PRDM16: variants seen among roughly 807,000 people sequenced by gnomAD.
PRDM16 encodes PR/SET domain 16, also known as histone-lysine N-methyltransferase PRDM16.
Under a neutral mutation model 110.6 loss-of-function variants are expected in PRDM16, and 23 were observed. The observed-to-expected ratio is 0.21, with a 90% CI of 0.15 to 0.29. The LOEUF (loss-of-function observed/expected upper bound fraction) is 0.29. Ranked by LOEUF, PRDM16 falls within the 10% of genes least tolerant of loss-of-function variation. The pLI, the probability that PRDM16 is intolerant of heterozygous loss-of-function variation, is 1.00. For missense variants in PRDM16, 1,615 were observed against 1,794.3 expected (o/e 0.90, Z 1.81); for synonymous variants, 799 against 781.8 (o/e 1.02, Z -0.37).
At chr1:3,301,811 T>C (rs530587213) in intron 3 of PRDM16, among the ~76,000 whole-genome samples, 86 of 152,340 alleles carry the variant, frequency 5.6e-4, no homozygotes, top group African/African-American at 2.1e-3. Flanking sequence ...ACATTCTGTG[T>C]TTTCCTGTGT....
At chr1:3,398,365 CT>C (rs1643417828) in intron 5 of PRDM16, among the ~76,000 whole-genome samples, 1 of 152,202 alleles carries the variant, frequency 6.6e-6, no homozygotes, top group Non-Finnish European at 1.5e-5. Flanking sequence ...AAATATTTGA[CT>C]TTCCCTACTC....
chr1:3,242,780 G>A (rs1441361665), intron 2 of PRDM16, among the ~76,000 whole-genome samples: 1 of 152,246 alleles, frequency 6.6e-6, no homozygotes, highest in African/African-American at 2.4e-5. Context: ...GTAATATTAA[G>A]GGGAGGGGAA....
Position 3,412,648 on chromosome 1 carries a change from C to A in PRDM16, c.2451C>A (p.Gly817=), listed in dbSNP as rs757162475. ...IGSRARASQN[G]GGREPRKNHV... Reference sequence around the variant, plus strand: ...GCCGGGCCCGTGCCAGCCAAAACGGCGGCGGGCGGGAGCCCCGCAAGAACC... The same window carrying A: ...GCCGGGCCCGTGCCAGCCAAAACGGAGGCGGGCGGGAGCCCCGCAAGAACC... The change falls in exon 9 of 17, where the codon GGC becomes GGA. Residue 817 remains glycine, a synonymous_variant. Transcript: ENST00000270722. 1 of 1,549,100 alleles carries A rather than the reference C, an allele frequency of 6.5e-7. No homozygotes were observed. The highest frequency in any genetic ancestry group is 8.7e-7 in the Non-Finnish European group (1 of 1,147,730).
intron 3 of PRDM16, among the ~76,000 whole-genome samples, chr1:3,334,093 G>A (rs773313303): frequency 6.6e-6 from 1 of 152,338 alleles, no homozygotes; most frequent in African/African-American, 2.4e-5. Context: ...TACCAGCAGC[G>A]TGAGCCAGGG....
chr1:3,329,757 G>T (rs1295711328), intron 3 of PRDM16, among the ~76,000 whole-genome samples: 1 of 152,234 alleles, frequency 6.6e-6, no homozygotes, highest in Non-Finnish European at 1.5e-5. Context: ...GGCACCCCAG[G>T]CCGTGCGGCT....
intron 3 of PRDM16, among the ~76,000 whole-genome samples, chr1:3,327,660 G>A (rs1183227076): frequency 7.1e-6 from 1 of 140,402 alleles, no homozygotes; most frequent in Non-Finnish European, 1.5e-5. Flanking sequence ...ACAGTGGCAG[G>A]GATGGGCACA....
chr1:3,165,721 T>G (rs111490342), intron 1 of PRDM16, among the ~76,000 whole-genome samples: 537 of 35,834 alleles, frequency 0.015, 24 homozygotes, highest in African/African-American at 0.083. Context: ...TCAGGGACAG[T>G]GACTCACCTG....
At chr1:3,186,097 G>A (rs917288297) in intron 1 of PRDM16, 28 bp from the exon 2 acceptor site, 6 of 1,574,620 alleles carry the variant, frequency 3.8e-6, no homozygotes, top group Non-Finnish European at 5.2e-6. Flanking sequence ...ACGTGCTGCA[G>A]AGGTTGACGC....
intron 3 of PRDM16, among the ~76,000 whole-genome samples, chr1:3,337,745 C>T (rs74048269): frequency 6.6e-6 from 1 of 152,314 alleles, no homozygotes; most frequent in African/African-American, 2.4e-5. Flanking sequence ...TGGGGATCCC[C>T]AGAGAGCACA....
chr1:3,151,570 T>C (rs544654976), intron 1 of PRDM16, among the ~76,000 whole-genome samples: 1 of 152,334 alleles, frequency 6.6e-6, no homozygotes, highest in East Asian at 1.9e-4. Flanking sequence ...GAGATTTACC[T>C]GATTCCTAGG....
At chr1:3,125,840 G>C (rs547809968) in intron 1 of PRDM16, among the ~76,000 whole-genome samples, 1 of 152,344 alleles carries the variant, frequency 6.6e-6, no homozygotes, top group East Asian at 1.9e-4. Flanking sequence ...GCACTGGCCC[G>C]ATTCATTAAG....
At chr1:3,227,576 A>G (rs1360052333) in intron 2 of PRDM16, among the ~76,000 whole-genome samples, 1 of 152,242 alleles carries the variant, frequency 6.6e-6, no homozygotes, top group Non-Finnish European at 1.5e-5. Context: ...GCACTCTAGC[A>G]GCCAGTGCCA....
chr1:3,228,181 C>T (rs1553288), intron 2 of PRDM16, among the ~76,000 whole-genome samples: 11,529 of 152,238 alleles, frequency 0.076, 504 homozygotes, highest in South Asian at 0.21. Flanking sequence ...CTTCCCGGGA[C>T]TGAAGCCTGG....
At chr1:3,328,042 G>A (rs1364165557) in intron 3 of PRDM16, among the ~76,000 whole-genome samples, 1 of 152,250 alleles carries the variant, frequency 6.6e-6, no homozygotes, top group East Asian at 1.9e-4. Context: ...CCCCACAGGA[G>A]GGAAGACCTG....
intron 5 of PRDM16, among the ~76,000 whole-genome samples, chr1:3,398,498 C>T (rs57432749): frequency 0.27 from 40,324 of 152,158 alleles, 6,552 homozygotes; most frequent in East Asian, 0.61. Flanking sequence ...AATCTTTTAT[C>T]CCAACCCCAG....
At chr1:3,284,482 G>A (rs1640803495) in intron 3 of PRDM16, among the ~76,000 whole-genome samples, 1 of 152,164 alleles carries the variant, frequency 6.6e-6, no homozygotes, top group Admixed American at 6.5e-5. Context: ...TGGCCTAGGA[G>A]TCTGTCCAGA....
intron 4 of PRDM16, among the ~76,000 whole-genome samples, chr1:3,389,949 G>C (rs1170337886): frequency 3.7e-5 from 4 of 106,948 alleles, no homozygotes; most frequent in Admixed American, 1.0e-4. Context: ...CTGGGGGTGC[G>C]CCCCCCCCCC....
intron 3 of PRDM16, among the ~76,000 whole-genome samples, chr1:3,301,337 AAAAAAAAAAAAAG>A (rs1641203744): frequency 1.4e-5 from 2 of 142,630 alleles, no homozygotes; most frequent in African/African-American, 5.2e-5. Flanking sequence ...CATCTCAAAA[AAAAAAAAAAAAAG>A]AAAAAAAAAA....
chr1:3,157,521 C>A lies in PRDM16; in HGVS notation c.38-28604C>A, dbSNP rs575766591. Among the ~76,000 whole-genome samples, 3 of 149,008 alleles carry A rather than the reference C, an allele frequency of 2.0e-5. No individual in the cohort carries two copies. Among genetic ancestry groups the A allele is most frequent in the South Asian group, 2.2e-4 (1 of 4,608 alleles). On this transcript the variant is annotated intron_variant, in intron 1 of 16. Coordinates refer to ENST00000270722, the MANE Select transcript of PRDM16 (RefSeq NM_022114.4). The surrounding 1 kb of genome is among the most constrained non-coding windows in gnomAD (Gnocchi z 4.8). The stretch of plus-strand genomic sequence containing the variant: ...ATCCAGTTGTTTGGTAGGATAAGGT[C>A]TTTATGGGCAGAAAAGAGATGATAG...
Sources: gnomAD v4.1 joint callset for allele counts (sites outside exome capture counted in the v4.1 genomes callset) on GRCh38, gnomAD v4.1.1 for gene constraint, Gnocchi (gnomAD v3.1) non-coding constraint, MANE v1.5 for transcripts, NCBI Gene and HGNC (gene_info 2026-07-23, HGNC 2026-07-21) for gene names.